Variants in SOS1 observed in about 807,000 individuals in gnomAD.
The protein encoded by SOS1 is son of sevenless homolog 1.
SOS1 carries 25 observed loss-of-function variants against 157.6 expected under a neutral mutation model. That is an observed-to-expected ratio of 0.16 (90% CI 0.12 to 0.22). The LOEUF is 0.22. Ranked by LOEUF, SOS1 falls within the 10% of genes least tolerant of loss-of-function variation. SOS1 has a pLI of 1.00. For synonymous variants in SOS1, 528 were observed against 534.0 expected, an observed-to-expected ratio of 0.99 and a Z score of 0.16; for missense variants, 1,237 against 1,599.1, an observed-to-expected ratio of 0.77 and a Z score of 3.86.
At chr2:39,051,014 A>T in intron 6 of SOS1, 130 bp downstream of exon 6, 1 of 834,862 alleles carries the variant, frequency 1.2e-6, no homozygotes, top group South Asian at 1.4e-5. Context: ...CCTATGAAAA[A>T]GGAGCAATAA....
intron 15 of SOS1, 105 bp from the exon 16 acceptor site, chr2:39,007,298 G>A (rs1669311891): frequency 6.5e-6 from 5 of 771,808 alleles, no homozygotes; most frequent in Non-Finnish European, 1.1e-5. Flanking sequence ...GGGGGGTGGC[G>A]ATAGTATAAC....
At chr2:39,100,089 C>G (rs996561222) in intron 1 of SOS1, among the ~76,000 whole-genome samples, 1 of 152,150 alleles carries the variant, frequency 6.6e-6, no homozygotes, top group African/African-American at 2.4e-5. Flanking sequence ...CATCATTAAT[C>G]ATCAGAGAAA....
chr2:39,029,876 T>C (rs1445644664), intron 8 of SOS1, among the ~76,000 whole-genome samples: 4 of 152,086 alleles, frequency 2.6e-5, no homozygotes, highest in Non-Finnish European at 4.4e-5. Context: ...AGAACCTCCA[T>C]TGATTCTCCA....
At chr2:39,020,318 TTC>T (rs1389972396) in intron 10 of SOS1, among the ~76,000 whole-genome samples, 2 of 151,826 alleles carry the variant, frequency 1.3e-5, no homozygotes, top group Admixed American at 6.6e-5. Flanking sequence ...CCAGTTTCTC[TTC>T]TGTTTTTATG....
At chr2:39,077,981 A>G (rs548927120) in intron 1 of SOS1, among the ~76,000 whole-genome samples, 1 of 152,366 alleles carries the variant, frequency 6.6e-6, no homozygotes, top group East Asian at 1.9e-4. Context: ...CTTAATCAAC[A>G]TATCACAAAA....
intron 10 of SOS1, among the ~76,000 whole-genome samples, chr2:39,017,823 A>G (rs1669675824): frequency 6.6e-6 from 1 of 151,932 alleles, no homozygotes; most frequent in African/African-American, 2.4e-5. Context: ...TCCAGACATT[A>G]TTTTTATTTC....
chr2:39,005,017 C>T (rs564032699), intron 17 of SOS1, among the ~76,000 whole-genome samples: 6 of 152,270 alleles, frequency 3.9e-5, no homozygotes, highest in African/African-American at 1.4e-4. Flanking sequence ...CACCTTTTAA[C>T]CTATGTATAG....
At chr2:39,075,365 A>C (rs1202704409) in intron 1 of SOS1, among the ~76,000 whole-genome samples, 1 of 152,228 alleles carries the variant, frequency 6.6e-6, no homozygotes, top group African/African-American at 2.4e-5. Context: ...CAAGTTTGAC[A>C]TATGAATTTA....
chr2:39,067,436 C>A (rs1419791375), intron 2 of SOS1, among the ~76,000 whole-genome samples, 192 bp downstream of exon 2: 2 of 151,634 alleles, frequency 1.3e-5, no homozygotes, highest in Non-Finnish European at 2.9e-5. Flanking sequence ...AAAAAAAAAA[C>A]CTCAAAATCT....
chr2:39,096,234 T>A (rs1309760910), intron 1 of SOS1, among the ~76,000 whole-genome samples: 1 of 152,218 alleles, frequency 6.6e-6, no homozygotes, highest in African/African-American at 2.4e-5. Flanking sequence ...ATTTTTACAT[T>A]ACATATCCCT....
At chr2:39,034,569 C>A (rs544747606) in intron 8 of SOS1, among the ~76,000 whole-genome samples, 8 of 152,278 alleles carry the variant, frequency 5.3e-5, no homozygotes, top group Middle Eastern at 3.4e-3. Flanking sequence ...ATAATTTATA[C>A]AGACTTTTAT....
chr2:39,051,801 A>C (rs774015499), intron 5 of SOS1, among the ~76,000 whole-genome samples: 2 of 152,184 alleles, frequency 1.3e-5, no homozygotes, highest in Non-Finnish European at 2.9e-5. Context: ...CAGGATTTTC[A>C]TATCTATTTC....
Position 39,013,949 on chromosome 2 carries a change from T to G in SOS1, c.1981A>C (p.Ile661Leu). Residue 661 changes from isoleucine to leucine, a missense_variant, in exon 12 of 23, where the codon ATA becomes CTA. Physicochemically the swap from Ile to Leu is conservative, Grantham distance 5. Coordinates refer to ENST00000402219, the MANE Select transcript of SOS1 (RefSeq NM_005633.4). ...PEPEPTEADR[I>L]AIENGDQPLS... ...GGTTGATCTCCATTCTCTATAGCTA[T>G]GCGATCAGCTTCTGTTGGCTCAGGC... 1 of 1,604,568 alleles carries G rather than the reference T, an allele frequency of 6.2e-7. No homozygotes were observed. Among genetic ancestry groups the G allele is most frequent in the South Asian group, 1.1e-5 (1 of 90,850 alleles).
intron 1 of SOS1, among the ~76,000 whole-genome samples, chr2:39,116,425 C>G (rs1303188617): frequency 6.6e-6 from 1 of 152,188 alleles, no homozygotes; most frequent in African/African-American, 2.4e-5. Flanking sequence ...CAAATGCACC[C>G]TTAGTTCAAA....
chr2:39,010,836 G>A, intron 14 of SOS1, 133 bp from the exon 15 acceptor site: 3 of 675,500 alleles, frequency 4.4e-6, no homozygotes, highest in African/African-American at 1.8e-5. Flanking sequence ...AAAGGTCTGT[G>A]AAAACAAGGT....
In SOS1 at chr2:39,022,676, C is replaced by T; in HGVS notation, c.1752G>A (p.Glu584=). The part of the protein sequence containing the change: ...VYRFAEPDSE[E]NIIFEENMQP... ...GCATGTTCTCTTCAAATATAATATT[C>T]TCTTCAGAGTCAGGCTCTGCAAATC... is the stretch of plus-strand genomic sequence containing the variant. The change falls in exon 10 of 23, where the codon GAG becomes GAA. Residue 584 remains glutamate (E), a synonymous_variant. Transcript: ENST00000402219. 1.2e-6 allele frequency: 2 copies of T among 1,613,280 alleles called. No individual in the cohort carries two copies. The highest frequency in any genetic ancestry group is 2.2e-5 in the South Asian group (2 of 91,072).
chr2:38,989,857 T>A (rs1357330693), intron 20 of SOS1, among the ~76,000 whole-genome samples: 2 of 152,076 alleles, frequency 1.3e-5, no homozygotes, highest in Non-Finnish European at 2.9e-5. Flanking sequence ...ACATTTTTTT[T>A]AAAGTCATTA....
chr2:39,106,514 C>T (rs1469694858), intron 1 of SOS1, among the ~76,000 whole-genome samples: 1 of 148,108 alleles, frequency 6.8e-6, no homozygotes, highest in African/African-American at 2.5e-5. Flanking sequence ...TGGCGTGAAC[C>T]CGGGAGGCGG....
intron 1 of SOS1, among the ~76,000 whole-genome samples, chr2:39,113,398 A>C (rs1388553986): frequency 2.1e-5 from 3 of 145,132 alleles, no homozygotes; most frequent in Non-Finnish European, 4.5e-5. Context: ...GGGTCTCACT[A>C]TGTGGCCTAG....
Sources: allele counts gnomAD v4.1 joint callset (sites outside exome capture counted in the v4.1 genomes callset), GRCh38; gene constraint gnomAD v4.1.1; transcripts MANE v1.5; gene names NCBI Gene and HGNC (gene_info 2026-07-23, HGNC 2026-07-21).